The following GCLM variants were observed in gnomAD, a reference collection of about 807,000 sequenced individuals.
The protein encoded by GCLM is glutamate--cysteine ligase regulatory subunit.
Under a neutral mutation model 36.0 loss-of-function variants are expected in GCLM, and 15 were observed. That is an observed-to-expected ratio of 0.42 (90% CI 0.28 to 0.64). GCLM has a LOEUF of 0.64. GCLM is among the 30% of genes least tolerant of loss of function. The pLI, the probability that GCLM is intolerant of heterozygous loss-of-function variation, is 0.25. For missense variants in GCLM, 242 were observed against 325.5 expected (o/e 0.74, Z 1.97); for synonymous variants, 129 against 122.8 (o/e 1.05, Z -0.34).
intron 6 of GCLM, among the ~76,000 whole-genome samples, chr1:93,893,363 C>T (rs1656604385): frequency 6.6e-6 from 1 of 152,158 alleles, no homozygotes; most frequent in Non-Finnish European, 1.5e-5. Flanking sequence ...ACTATTAAAA[C>T]TCTTTCTCCT....
At chr1:93,889,764 T>C (rs2100904351) in intron 6 of GCLM, among the ~76,000 whole-genome samples, 1 of 151,908 alleles carries the variant, frequency 6.6e-6, no homozygotes, top group East Asian at 1.9e-4. Context: ...TGTGAAAAGA[T>C]CATTTTTAAT....
rs1328817723 is a variant in GCLM, at chr1:93,909,181, G to A, written c.-18C>T. 169 of 1,243,824 alleles carry A rather than the reference G, an allele frequency of 1.4e-4. No homozygotes were observed. Among genetic ancestry groups the A allele is most frequent in the Non-Finnish European group, 1.7e-4 (166 of 995,816 alleles). 77.0% of individuals were successfully genotyped at this position (1,243,824 alleles called of 1,614,324 possible). A position where few individuals can be genotyped will look rare whatever the true frequency, so the allele number is the denominator to read the frequency against. ...GTGCCCATGGCAGCGGCCGCCCAGG[G>A]GCCGCGCAGCGAAGGGGCTGCGGGC... On this transcript the variant is annotated 5_prime_UTR_variant, in exon 1 of 7. Transcript: ENST00000370238.
intron 1 of GCLM, among the ~76,000 whole-genome samples, chr1:93,906,463 C>T (rs1657150375): frequency 1.3e-5 from 2 of 152,164 alleles, no homozygotes; most frequent in African/African-American, 4.8e-5. Context: ...CATTTGCACA[C>T]TTGAGGCTTT....
chr1:93,888,750 C>T lies in GCLM; in HGVS notation c.*240G>A, dbSNP rs1043533319. 3 of 310,626 alleles carry T rather than the reference C, an allele frequency of 9.7e-6. No individual in the cohort carries two copies. Among genetic ancestry groups the T allele is most frequent in the African/African-American group, 6.4e-5 (3 of 46,622 alleles). 19.2% of individuals were successfully genotyped at this position (310,626 alleles called of 1,614,324 possible). ...AGGAAAAATATATTGCAAGTATTTT[C>T]TTTATAGACAATTTCAATTAGAAAA... On this transcript the variant is annotated 3_prime_UTR_variant, in exon 7 of 7. Transcript: ENST00000370238.
intron 3 of GCLM, among the ~76,000 whole-genome samples, chr1:93,898,435 G>A (rs1027615583): frequency 1.3e-5 from 2 of 150,964 alleles, no homozygotes; most frequent in African/African-American, 4.9e-5. Context: ...CTTCTATTTG[G>A]TTTACCTTTA....
chr1:93,896,909 G>T, intron 4 of GCLM, 89 bp from the exon 5 acceptor site: 1 of 732,236 alleles, frequency 1.4e-6, no homozygotes. Flanking sequence ...ACTGAATTCT[G>T]TCCATATTCT....
intron 2 of GCLM, among the ~76,000 whole-genome samples, chr1:93,904,032 G>A (rs1657057766): frequency 6.6e-6 from 1 of 152,170 alleles, no homozygotes; most frequent in Non-Finnish European, 1.5e-5. Flanking sequence ...CCTAAGTAAT[G>A]TGCTGTGAGC....
chr1:93,906,146 G>A (rs945540286), intron 1 of GCLM, among the ~76,000 whole-genome samples: 2 of 151,954 alleles, frequency 1.3e-5, no homozygotes, highest in Non-Finnish European at 2.9e-5. Flanking sequence ...TCAATTTAAG[G>A]GCACAGAACT....
chr1:93,899,892 T>C (rs1013463924), intron 3 of GCLM, among the ~76,000 whole-genome samples: 1 of 152,106 alleles, frequency 6.6e-6, no homozygotes, highest in African/African-American at 2.4e-5. Context: ...AAACTCACTG[T>C]TCAAAAAAAT....
intron 4 of GCLM, among the ~76,000 whole-genome samples, chr1:93,897,362 T>G (rs751365430): frequency 6.6e-6 from 1 of 152,206 alleles, no homozygotes; most frequent in Non-Finnish European, 1.5e-5. Flanking sequence ...GAGCTTATTT[T>G]AAATGATTAT....
At chr1:93,898,024 G>A (rs754174465) in intron 3 of GCLM, 126 bp from the exon 4 acceptor site, 1 of 457,332 alleles carries the variant, frequency 2.2e-6, no homozygotes, top group Non-Finnish European at 3.8e-6. Context: ...TCCTTTCCCA[G>A]TCACATAACT....
intron 3 of GCLM, among the ~76,000 whole-genome samples, chr1:93,900,211 C>T (rs1315549490): frequency 6.6e-6 from 1 of 152,018 alleles, no homozygotes; most frequent in Non-Finnish European, 1.5e-5. Context: ...TGAAAGCCCC[C>T]CCCAATACTA....
chr1:93,909,367 G>A lies in GCLM; in HGVS notation c.-204C>T. 4 of 957,524 alleles carry A rather than the reference G, an allele frequency of 4.2e-6. No homozygotes were observed. Among genetic ancestry groups the A allele is most frequent in the Non-Finnish European group, 5.0e-6 (4 of 796,304 alleles). The allele number at this position is 957,524 out of a possible 1,614,324, so 59.3% of individuals were successfully genotyped here. On this transcript the variant is annotated 5_prime_UTR_variant, in exon 1 of 7. Coordinates refer to ENST00000370238, the MANE Select transcript of GCLM (RefSeq NM_002061.4). ...GGCTGGGCGGCGGCGGGAAAGGAAGGCACCGGTGGCTGCGGCTCCGGCTCC... is the reference window on the plus strand; with the variant it reads ...GGCTGGGCGGCGGCGGGAAAGGAAGACACCGGTGGCTGCGGCTCCGGCTCC...
intron 6 of GCLM, among the ~76,000 whole-genome samples, chr1:93,892,152 G>A (rs2100907527): frequency 6.6e-6 from 1 of 152,194 alleles, no homozygotes; most frequent in South Asian, 2.1e-4. Flanking sequence ...AAAATGGAAA[G>A]TTCTAAATTC....
rs192880059 is a variant in GCLM, at chr1:93,902,328, G to A, written c.193-659C>T. Among the ~76,000 whole-genome samples the A allele has an allele frequency of 1.6e-4, 24 of 152,026 alleles. 1 individual carries two copies. The East Asian group carries it at 3.9e-3, about 25-fold the overall frequency. On this transcript the variant is annotated intron_variant, in intron 2 of 6. Coordinates refer to ENST00000370238, the MANE Select transcript of GCLM (RefSeq NM_002061.4). ...CGAGTAGCTGGGACTACAGGTGCAC[G>A]CCGCCACGCCTGACTAATTTTTTGT...
intron 6 of GCLM, among the ~76,000 whole-genome samples, chr1:93,892,413 T>TA (rs1656570855): frequency 6.6e-6 from 1 of 152,134 alleles, no homozygotes; most frequent in Admixed American, 6.5e-5. Context: ...CTTAAAAAAA[T>TA]AAAAAATATG....
intron 6 of GCLM, among the ~76,000 whole-genome samples, chr1:93,891,903 C>T (rs1656549908): frequency 6.6e-6 from 1 of 152,088 alleles, no homozygotes; most frequent in Admixed American, 6.5e-5. Context: ...ACATGCTAAC[C>T]CTATGAGATA....
chr1:93,907,763 A>G (rs1243282108), intron 1 of GCLM, among the ~76,000 whole-genome samples: 2 of 152,238 alleles, frequency 1.3e-5, no homozygotes, highest in Non-Finnish European at 2.9e-5. Flanking sequence ...AACACAGAAT[A>G]TGGTACAGAC....
At position 93,906,834 on chromosome 1, in the gene GCLM, T is replaced by C. The variant is rs545226450; in HGVS notation, c.126+2204A>G. On this transcript the variant is annotated intron_variant, in intron 1 of 6. Coordinates refer to ENST00000370238, the MANE Select transcript of GCLM (RefSeq NM_002061.4). ...GCCTACCATTAGATCTGGAGTTGTATAAGAATTTTTTAAATACCATGATTC... is the reference window on the plus strand; with the variant it reads ...GCCTACCATTAGATCTGGAGTTGTACAAGAATTTTTTAAATACCATGATTC... Among the ~76,000 whole-genome samples the C allele has an allele frequency of 3.3e-5, 5 of 152,302 alleles. No individual in the cohort carries two copies. The East Asian group carries it at 9.6e-4, about 29-fold the overall frequency.
Sources: gnomAD v4.1 joint callset for allele counts (sites outside exome capture counted in the v4.1 genomes callset) on GRCh38, gnomAD v4.1.1 for gene constraint, MANE v1.5 for transcripts, NCBI Gene and HGNC (gene_info 2026-07-23, HGNC 2026-07-21) for gene names.